The following VPS13A variants were observed in gnomAD, a reference collection of about 807,000 sequenced individuals.
VPS13A encodes vacuolar protein sorting 13 homolog A.
Under a neutral mutation model 390.9 loss-of-function variants are expected in VPS13A, and 264 were observed. The observed-to-expected ratio is 0.68, with a 90% CI of 0.61 to 0.75. The LOEUF is 0.75. Among genes scored for constraint, VPS13A ranks in the 30% least tolerant of loss-of-function variants. The pLI, the probability that VPS13A is intolerant of heterozygous loss-of-function variation, is 0.00. For missense variants in VPS13A, 3,409 were observed against 3,733.9 expected (o/e 0.91, Z 2.27); for synonymous variants, 1,231 against 1,227.1 (o/e 1.00, Z -0.07).
intron 67 of VPS13A, among the ~76,000 whole-genome samples, chr9:77,377,086 C>T (rs72748205): frequency 0.058 from 8,875 of 151,928 alleles, 373 homozygotes; most frequent in South Asian, 0.12. Flanking sequence ...TGTGAAAATG[C>T]AACGTCTTTC....
chr9:77,220,729 A>G (rs1287410863), intron 12 of VPS13A, among the ~76,000 whole-genome samples: 1 of 152,034 alleles, frequency 6.6e-6, no homozygotes, highest in Non-Finnish European at 1.5e-5. Context: ...TATCAGATAC[A>G]CTGAACCAAT....
intron 68 of VPS13A, among the ~76,000 whole-genome samples, chr9:77,392,329 G>A (rs975033191): frequency 1.3e-5 from 2 of 152,110 alleles, no homozygotes; most frequent in African/African-American, 2.4e-5. Flanking sequence ...GTGCTAACTC[G>A]TTTTGTTAAT....
chr9:77,407,918 T>A, intron 71 of VPS13A, among the ~76,000 whole-genome samples: 1 of 152,098 alleles, frequency 6.6e-6, no homozygotes, highest in Non-Finnish European at 1.5e-5. Context: ...TTTGTTTTAG[T>A]GTTAATCCAT....
At chr9:77,277,388 A>G (rs1409549991) in intron 26 of VPS13A, among the ~76,000 whole-genome samples, 1 of 152,200 alleles carries the variant, frequency 6.6e-6, no homozygotes, top group Non-Finnish European at 1.5e-5. Context: ...ATCCTCCACT[A>G]GAGTGGTACA....
At chr9:77,273,413 TTC>T in intron 24 of VPS13A, 49 bp downstream of exon 24, 1 of 1,458,760 alleles carries the variant, frequency 6.9e-7, no homozygotes, top group East Asian at 2.5e-5. Flanking sequence ...TTAAAATAAT[TTC>T]TGTTTTGAGG....
In VPS13A at chr9:77,186,798, A is replaced by G. The variant is rs188968199; in HGVS notation, c.100+8994A>G. On this transcript the variant is annotated intron_variant, in intron 1 of 71. Transcript: ENST00000360280. ...AGTACACTTACATTGTGCAACCATC[A>G]CCACCATTCATCTCCTGACTTCACC... is the stretch of plus-strand genomic sequence containing the variant. Among the ~76,000 whole-genome samples, 254 of 152,208 alleles carry G rather than the reference A, an allele frequency of 1.7e-3. 2 individuals carry two copies. Among genetic ancestry groups the G allele is most frequent in the African/African-American group, 5.9e-3 (245 of 41,530 alleles).
chr9:77,209,509 A>G lies in VPS13A; in HGVS notation c.472A>G (p.Ile158Val), dbSNP rs372839456. Residue 158 changes from isoleucine (I) to valine (V), a missense_variant, in exon 6 of 72, where the codon ATC becomes GTC. By Grantham distance (29) the Ile-to-Val change is conservative. Around this residue, in one of 5 missense-constraint regions of VPS13A, gnomAD observed 2,717 missense variants for 2,917.4 expected, o/e 0.93. Coordinates refer to ENST00000360280, the MANE Select transcript of VPS13A (RefSeq NM_033305.3). Reference sequence around the variant, plus strand: ...AAATCTTCAGGTGAAAATTTCCAGTATCCATATTCGTTATGAAGATGATGT... The same window carrying G: ...AAATCTTCAGGTGAAAATTTCCAGTGTCCATATTCGTTATGAAGATGATGT... Reference protein sequence around the residue: ...IKNLQVKISSIHIRYEDDITN... With the variant: ...IKNLQVKISSVHIRYEDDITN... 20 of 1,601,808 alleles carry G rather than the reference A, an allele frequency of 1.2e-5. No individual in the cohort carries two copies. The Admixed American group carries it at 1.7e-4, about 13-fold the overall frequency.
chr9:77,250,026 A>G, intron 20 of VPS13A, 71 bp from the exon 21 acceptor site: 1 of 1,544,552 alleles, frequency 6.5e-7, no homozygotes, highest in Admixed American at 1.8e-5. Context: ...TTATAAGTCT[A>G]AAAATTAAAC....
chr9:77,325,258 C>T (rs1829950261), intron 45 of VPS13A, among the ~76,000 whole-genome samples: 1 of 152,182 alleles, frequency 6.6e-6, no homozygotes, highest in African/African-American at 2.4e-5. Flanking sequence ...GTAATGCTCT[C>T]AAGCCTGCTG....
At chr9:77,200,662 T>C (rs575036285) in intron 2 of VPS13A, among the ~76,000 whole-genome samples, 12 of 152,178 alleles carry the variant, frequency 7.9e-5, no homozygotes, top group Non-Finnish European at 8.8e-5. Flanking sequence ...GCTCAAGCTG[T>C]CTTCCCCTTT....
At chr9:77,311,688 G>T (rs1214873762) in intron 35 of VPS13A, among the ~76,000 whole-genome samples, 1 of 152,096 alleles carries the variant, frequency 6.6e-6, no homozygotes, top group African/African-American at 2.4e-5. Flanking sequence ...AAAAAAATCG[G>T]AAAGAATATA....
rs777488671 is a variant in VPS13A, at chr9:77,337,449, A to G, written c.6290A>G (p.Asp2097Gly). The change falls in exon 47 of 72, where the codon GAT becomes GGT. Residue 2097 changes from aspartate (D) to glycine (G), a missense_variant. Physicochemically the swap from Asp to Gly is moderately conservative, Grantham distance 94. This residue lies in a region of VPS13A where 2,717 missense variants were observed against 2,917.4 expected (regional missense o/e 0.93). Coordinates refer to ENST00000360280, the MANE Select transcript of VPS13A (RefSeq NM_033305.3). ...ACATCTCTATCAGTGTATTCAGAAGATGGTTGGGATTTACCATACATAATG... is the reference window on the plus strand; with the variant it reads ...ACATCTCTATCAGTGTATTCAGAAGGTGGTTGGGATTTACCATACATAATG... ...NLTSLSVYSE[D>G]GWDLPYIMHL... is the part of the protein sequence containing the mutation. The G allele has an allele frequency of 5.0e-6, 8 of 1,613,280 alleles. No individual in the cohort carries two copies. Among genetic ancestry groups the G allele is most frequent in the Non-Finnish European group, 6.8e-6 (8 of 1,179,500 alleles).
At chr9:77,182,971 G>A (rs1824113253) in intron 1 of VPS13A, among the ~76,000 whole-genome samples, 1 of 152,144 alleles carries the variant, frequency 6.6e-6, no homozygotes. Flanking sequence ...CGATTTTTAA[G>A]GAGTCATTCT....
intron 34 of VPS13A, among the ~76,000 whole-genome samples, chr9:77,306,969 C>A (rs1037327826): frequency 6.7e-6 from 1 of 149,198 alleles, no homozygotes; most frequent in Non-Finnish European, 1.5e-5. Context: ...GGCAGTGGCG[C>A]GATCTCGGCT....
chr9:77,243,757 A>G (rs1305405209), intron 19 of VPS13A, among the ~76,000 whole-genome samples: 6 of 152,218 alleles, frequency 3.9e-5, no homozygotes, highest in Non-Finnish European at 8.8e-5. Flanking sequence ...CTATTGATAG[A>G]TGTTATACTC....
Position 77,382,105 on chromosome 9 carries a change from T to G in VPS13A, c.9189+18T>G. 1 of 1,581,688 alleles carries G rather than the reference T, an allele frequency of 6.3e-7. No homozygotes were observed. Among genetic ancestry groups the G allele is most frequent in the Non-Finnish European group, 8.7e-7 (1 of 1,155,304 alleles). ...TGTTACAGGTAAATTAAGAGCTATCTTATAAATTAAGATTAATTTAGTCAA... is the reference window on the plus strand; with the variant it reads ...TGTTACAGGTAAATTAAGAGCTATCGTATAAATTAAGATTAATTTAGTCAA... On this transcript the variant is annotated intron_variant, in intron 68 of 71. Transcript: ENST00000360280.
In VPS13A at chr9:77,313,369, A is replaced by G. The variant is rs144137301; in HGVS notation, c.4115-623A>G. Among the ~76,000 whole-genome samples the G allele has an allele frequency of 4.5e-3, 679 of 152,286 alleles. 3 individuals carry two copies. The highest frequency in any genetic ancestry group is 6.8e-3 in the Middle Eastern group (2 of 294). On this transcript the variant is annotated intron_variant, in intron 35 of 71. Transcript: ENST00000360280. Reference sequence around the variant, plus strand: ...AATATACACTTATCAAATTTCATCAAATAGTTCATATAAGATACATGTATT... The same window carrying G: ...AATATACACTTATCAAATTTCATCAGATAGTTCATATAAGATACATGTATT...
intron 24 of VPS13A, among the ~76,000 whole-genome samples, chr9:77,275,198 A>T (rs1023025575): frequency 4.6e-5 from 7 of 152,098 alleles, no homozygotes; most frequent in African/African-American, 1.7e-4. Context: ...AATTTAAGCA[A>T]TTTTAAAATA....
intron 1 of VPS13A, among the ~76,000 whole-genome samples, chr9:77,191,866 G>A (rs776789841): frequency 3.0e-4 from 45 of 152,186 alleles, no homozygotes; most frequent in South Asian, 8.3e-4. Flanking sequence ...GTTTTTGTTG[G>A]GTGAGGTGTT....
Sources: gnomAD v4.1 joint callset for allele counts (sites outside exome capture counted in the v4.1 genomes callset) on GRCh38, gnomAD v4.1.1 for gene constraint, gnomAD v4.1.1 regional missense constraint, MANE v1.5 for transcripts, NCBI Gene and HGNC (gene_info 2026-07-23, HGNC 2026-07-21) for gene names.